Variants in NAV3 observed in about 807,000 individuals in gnomAD.
The protein encoded by NAV3 is neuron navigator 3, also known as pore membrane and/or filament interacting like protein 1.
Under a neutral mutation model 244.7 loss-of-function variants are expected in NAV3, and 87 were observed. The ratio of observed to expected loss-of-function variants is 0.36; its 90% CI spans 0.30 to 0.42. NAV3 has a LOEUF of 0.42. NAV3 is among the 20% of genes least tolerant of loss of function. The pLI, the probability that NAV3 is intolerant of heterozygous loss-of-function variation, is 1.00. For missense variants in NAV3, 2,663 were observed against 2,893.3 expected (o/e 0.92, Z 1.83); for synonymous variants, 1,126 against 1,042.2 (o/e 1.08, Z -1.55).
chr12:77,721,453 C>G (rs1196168305), intron 2 of NAV3, among the ~76,000 whole-genome samples: 4 of 152,032 alleles, frequency 2.6e-5, no homozygotes, highest in South Asian at 2.1e-4. Flanking sequence ...GCTTACTTCT[C>G]TCATATATCT....
At chr12:78,153,844 T>C (rs1057385075) in intron 22 of NAV3, among the ~76,000 whole-genome samples, 1 of 151,912 alleles carries the variant, frequency 6.6e-6, no homozygotes, top group African/African-American at 2.4e-5. Context: ...TTTGCATCTC[T>C]TCTAAGAGAA....
chr12:77,741,055 G>GAAAGT (rs1002784640), intron 2 of NAV3, among the ~76,000 whole-genome samples: 2 of 141,708 alleles, frequency 1.4e-5, no homozygotes, highest in Non-Finnish European at 3.0e-5. Context: ...AATTTGTGGG[G>GAAAGT]AAAGTATTCC....
intron 1 of NAV3, among the ~76,000 whole-genome samples, chr12:77,853,010 A>AG (rs1447652934): frequency 2.0e-5 from 3 of 152,202 alleles, no homozygotes; most frequent in Non-Finnish European, 4.4e-5. Context: ...TGAAACTTCT[A>AG]GGTAATAGGC....
intron 30 of NAV3, among the ~76,000 whole-genome samples, chr12:78,182,738 A>G (rs147128974): frequency 0.013 from 1,904 of 151,954 alleles, 36 homozygotes; most frequent in African/African-American, 0.043. Context: ...TTTTTTACCC[A>G]TTCCCTAAGT....
chr12:77,702,602 TA>T (rs2137209502), intron 2 of NAV3, among the ~76,000 whole-genome samples: 1 of 152,126 alleles, frequency 6.6e-6, no homozygotes, highest in Non-Finnish European at 1.5e-5. Context: ...TTTTTTGCTC[TA>T]GGTGTTACAA....
In NAV3 at chr12:77,699,164, A is replaced by G. The variant is rs534873067; in HGVS notation, c.72+126898A>G. On this transcript the variant is annotated intron_variant, in intron 2 of 8. Transcript: ENST00000550042. ...TTCATGCCTAAGAATCTTGCAGGAC[A>G]TGAAGCAATAGAAGACACGCTGGCT... Among the ~76,000 whole-genome samples the G allele has an allele frequency of 7.9e-5, 12 of 152,278 alleles. No homozygotes were observed. The South Asian group carries it at 1.7e-3, about 21-fold the overall frequency.
chr12:77,734,292 T>G (rs568829981), intron 2 of NAV3, among the ~76,000 whole-genome samples: 2 of 152,184 alleles, frequency 1.3e-5, no homozygotes, highest in South Asian at 4.1e-4. Context: ...GCTTGTTGTA[T>G]TCATGGTCTT....
intron 9 of NAV3, chr12:78,036,700 G>A: frequency 1.9e-6 from 1 of 532,714 alleles, no homozygotes; most frequent in East Asian, 2.8e-5. Flanking sequence ...TAAATTGGGG[G>A]CAAATAATTA....
At chr12:77,708,638 A>C (rs934029282) in intron 2 of NAV3, among the ~76,000 whole-genome samples, 6 of 152,206 alleles carry the variant, frequency 3.9e-5, no homozygotes, top group Middle Eastern at 6.8e-3. Context: ...TGAATCTATA[A>C]ATTACCTTGG....
chr12:77,874,519 T>G (rs1408610968), intron 1 of NAV3, among the ~76,000 whole-genome samples: 1 of 152,182 alleles, frequency 6.6e-6, no homozygotes, highest in African/African-American at 2.4e-5. Context: ...CCAGCATTCT[T>G]TTTAATCTTT....
chr12:77,583,911 G>T (rs1442699112), intron 2 of NAV3, among the ~76,000 whole-genome samples: 1 of 152,046 alleles, frequency 6.6e-6, no homozygotes, highest in Non-Finnish European at 1.5e-5. Context: ...TAAGTTCCTT[G>T]AACAATGCAA....
At chr12:77,706,502 G>A (rs999058044) in intron 2 of NAV3, among the ~76,000 whole-genome samples, 2 of 151,304 alleles carry the variant, frequency 1.3e-5, no homozygotes, top group African/African-American at 4.9e-5. Flanking sequence ...CAGTTGGTAA[G>A]TTATGATTAT....
intron 24 of NAV3, among the ~76,000 whole-genome samples, chr12:78,175,075 G>A (rs1327917252): frequency 6.6e-6 from 1 of 151,860 alleles, no homozygotes. Context: ...AACTGCCAGG[G>A]CTATGGACTT....
Position 77,968,464 on chromosome 12 carries a change from TA to T in NAV3, c.488-50del, listed in dbSNP as rs1892702718. 3 of 1,382,678 alleles carry T rather than the reference TA, an allele frequency of 2.2e-6. No homozygotes were observed. In the African/African-American group the frequency reaches 4.3e-5, roughly 20 times the overall value. The allele number at this position is 1,382,678 out of a possible 1,614,324, so 85.7% of individuals were successfully genotyped here. Reference sequence around the variant, plus strand: ...CAAGAGAAATGCATCTAGAATTTGTTAAAAAGGACATTAAATACATATGATT... The same window carrying T: ...CAAGAGAAATGCATCTAGAATTTGTTAAAAGGACATTAAATACATATGATT... On this transcript the variant is annotated intron_variant, in intron 4 of 39. Coordinates refer to ENST00000397909, the MANE Select transcript of NAV3 (RefSeq NM_001024383.2).
At chr12:77,747,412 G>C (rs546721813) in intron 2 of NAV3, among the ~76,000 whole-genome samples, 1 of 152,162 alleles carries the variant, frequency 6.6e-6, no homozygotes, top group South Asian at 2.1e-4. Flanking sequence ...TGGAGAAATA[G>C]GTACACTTTT....
At chr12:77,687,138 G>T (rs1874791765) in intron 2 of NAV3, among the ~76,000 whole-genome samples, 1 of 151,846 alleles carries the variant, frequency 6.6e-6, no homozygotes. Context: ...TCTTATCCCT[G>T]GTCTATCTAG....
rs1873583090 is a variant in NAV3, at chr12:77,831,161, GAGAGAGAC to G, written c.-293_-286del. The G allele has an allele frequency of 1.3e-5, 2 of 158,178 alleles. No individual in the cohort carries two copies. The highest frequency in any genetic ancestry group is 1.4e-4 in the South Asian group (1 of 7,014). 9.8% of individuals were successfully genotyped at this position (158,178 alleles called of 1,614,324 possible). On this transcript the variant is annotated 5_prime_UTR_variant, in exon 1 of 40. Coordinates refer to ENST00000397909, the MANE Select transcript of NAV3 (RefSeq NM_001024383.2). Reference sequence around the variant, plus strand: ...TACTGAGTCACTGAACAGAGAGAGAGAGAGAGACAGAGAGAGAGAGAGAGAGAGAGAGA... The same window carrying G: ...TACTGAGTCACTGAACAGAGAGAGAGAGAGAGAGAGAGAGAGAGAGAGAGA...
At chr12:77,682,136 C>T (rs1328112280) in intron 2 of NAV3, among the ~76,000 whole-genome samples, 3 of 152,064 alleles carry the variant, frequency 2.0e-5, no homozygotes, top group African/African-American at 7.2e-5. Flanking sequence ...GGTCCCCTGC[C>T]ACCCCCCACC....
At chr12:77,716,200 A>C (rs1027332654) in intron 2 of NAV3, among the ~76,000 whole-genome samples, 1 of 152,010 alleles carries the variant, frequency 6.6e-6, no homozygotes, top group East Asian at 1.9e-4. Flanking sequence ...ATTAAATGTC[A>C]TGATATCTTA....
Sources: allele counts gnomAD v4.1 joint callset (sites outside exome capture counted in the v4.1 genomes callset), GRCh38; gene constraint gnomAD v4.1.1; transcripts MANE v1.5; gene names NCBI Gene and HGNC (gene_info 2026-07-23, HGNC 2026-07-21).